The following CSMD2 variants were observed in gnomAD, a reference collection of about 807,000 sequenced individuals.
CSMD2 encodes the protein CUB and sushi domain-containing protein 2.
A neutral mutation model predicts 398.5 loss-of-function variants in CSMD2; 130 were observed. The ratio of observed to expected loss-of-function variants is 0.33; its 90% CI spans 0.28 to 0.38. The LOEUF (loss-of-function observed/expected upper bound fraction) is 0.38, where lower values mean the gene tolerates loss of function less well. Among genes scored for constraint, CSMD2 ranks in the 10% least tolerant of loss-of-function variants. The pLI, the probability that CSMD2 is intolerant of heterozygous loss-of-function variation, is 1.00. For missense variants in CSMD2, 3,829 were observed against 4,764.9 expected (o/e 0.80, Z 5.78); for synonymous variants, 1,828 against 1,908.5 (o/e 0.96, Z 1.10).
At chr1:33,665,912 T>C (rs745623052) in intron 25 of CSMD2, among the ~76,000 whole-genome samples, 38 of 152,308 alleles carry the variant, frequency 2.5e-4, no homozygotes, top group Admixed American at 1.2e-3. Context: ...CCTAACTAGA[T>C]CATAATTTTC....
At chr1:33,820,919 TG>T (rs1235827511) in intron 7 of CSMD2, among the ~76,000 whole-genome samples, 5 of 152,068 alleles carry the variant, frequency 3.3e-5, no homozygotes, top group Non-Finnish European at 7.4e-5. Context: ...GCTTCAGATC[TG>T]GGGTGGAGAC....
intron 22 of CSMD2, among the ~76,000 whole-genome samples, chr1:33,704,545 A>C (rs533763354): frequency 6.6e-6 from 1 of 152,334 alleles, no homozygotes; most frequent in East Asian, 1.9e-4. Flanking sequence ...GAACTTAATC[A>C]CATGATGTTT....
At chr1:33,821,109 T>C (rs1324565451) in intron 7 of CSMD2, among the ~76,000 whole-genome samples, 3 of 152,162 alleles carry the variant, frequency 2.0e-5, no homozygotes, top group African/African-American at 7.2e-5. Flanking sequence ...CCTCTTCCCA[T>C]CAGATACTTC....
intron 22 of CSMD2, among the ~76,000 whole-genome samples, chr1:33,705,938 A>ATTTT (rs1280927804): frequency 9.0e-4 from 137 of 151,836 alleles, no homozygotes; most frequent in African/African-American, 3.0e-3. Flanking sequence ...ATTATTTAAA[A>ATTTT]AAAAAAAAAA....
At chr1:33,524,292 C>T (rs1415913679) in intron 66 of CSMD2, among the ~76,000 whole-genome samples, 1 of 152,056 alleles carries the variant, frequency 6.6e-6, no homozygotes, top group Non-Finnish European at 1.5e-5. Flanking sequence ...ATGGGAACAG[C>T]CTTTATTCAT....
intron 4 of CSMD2, among the ~76,000 whole-genome samples, chr1:33,920,491 G>A (rs1441966127): frequency 4.3e-5 from 6 of 138,228 alleles, no homozygotes; most frequent in African/African-American, 5.3e-5. Context: ...GCAGTGAGCC[G>A]AGATTGTGCT....
At chr1:33,965,821 C>T (rs145860306) in intron 3 of CSMD2, among the ~76,000 whole-genome samples, 1 of 152,276 alleles carries the variant, frequency 6.6e-6, no homozygotes, top group African/African-American at 2.4e-5. Flanking sequence ...GTTTGTGAAC[C>T]CAGGAAGCTG....
intron 3 of CSMD2, among the ~76,000 whole-genome samples, chr1:33,980,572 G>C (rs994220025): frequency 6.6e-6 from 1 of 152,066 alleles, no homozygotes; most frequent in Non-Finnish European, 1.5e-5. Context: ...TATTTTCTTC[G>C]CTTGTGCCTT....
At chr1:33,595,967 T>C (rs1374235980) in intron 44 of CSMD2, among the ~76,000 whole-genome samples, 1 of 152,194 alleles carries the variant, frequency 6.6e-6, no homozygotes. Context: ...TCACACACTA[T>C]TTTCTTCCAT....
chr1:34,145,239 A>G (rs79309197), intron 1 of CSMD2, among the ~76,000 whole-genome samples: 6,507 of 152,332 alleles, frequency 0.043, 249 homozygotes, highest in African/African-American at 0.1. Flanking sequence ...GAACCACCCA[A>G]GTTAGGAAAG....
intron 12 of CSMD2, among the ~76,000 whole-genome samples, chr1:33,778,696 G>A (rs1652316820): frequency 6.6e-6 from 1 of 152,194 alleles, no homozygotes; most frequent in Non-Finnish European, 1.5e-5. Context: ...CACGGCCCCT[G>A]CCCCTGGAGA....
chr1:33,990,769 C>T (rs1384641045), intron 3 of CSMD2, among the ~76,000 whole-genome samples: 1 of 152,176 alleles, frequency 6.6e-6, no homozygotes, highest in East Asian at 1.9e-4. Flanking sequence ...TAGGTTGAGG[C>T]CAGGGGTGAG....
chr1:33,860,739 C>G (rs943018538), intron 5 of CSMD2: 2 of 152,186 alleles, frequency 1.3e-5, no homozygotes, highest in Non-Finnish European at 2.9e-5. Flanking sequence ...TTATATGTGT[C>G]TGGCTTAAAA....
intron 1 of CSMD2, among the ~76,000 whole-genome samples, chr1:34,109,481 C>G (rs1660834187): frequency 6.6e-6 from 1 of 152,172 alleles, no homozygotes; most frequent in Admixed American, 6.5e-5. Flanking sequence ...TTTGCCAATC[C>G]AGAATGGTAT....
chr1:34,162,550 G>T (rs938294562), intron 1 of CSMD2, among the ~76,000 whole-genome samples: 1 of 152,092 alleles, frequency 6.6e-6, no homozygotes, highest in African/African-American at 2.4e-5. Context: ...ATCTAAAGGC[G>T]GGAAAGGCTT....
rs556378681 is a variant in CSMD2 at position 33,583,714 on chromosome 1, C to T, written c.7168G>A (p.Asp2390Asn). 10 of 1,614,154 alleles carry T rather than the reference C, an allele frequency of 6.2e-6. No individual in the cohort carries two copies. The highest frequency in any genetic ancestry group is 1.1e-5 in the South Asian group (1 of 91,072). ...TCCACTGTGAGGGAGATGTTATAGT[C>T]GGGCTCCACTCTCACCAGCCAAGAG... ...TCSWLVRVEP[D>N]YNISLTVEYF... The change falls in exon 47 of 71, where the codon GAC becomes AAC. Residue 2390 changes from aspartate to asparagine, a missense_variant. Transcript: ENST00000373381.
intron 12 of CSMD2, among the ~76,000 whole-genome samples, chr1:33,787,687 C>G (rs1180331862): frequency 2.0e-5 from 3 of 152,162 alleles, no homozygotes; most frequent in African/African-American, 7.2e-5. Flanking sequence ...CGTCTAGTAC[C>G]TAAGAGGGGC....
intron 5 of CSMD2, among the ~76,000 whole-genome samples, chr1:33,899,546 G>C (rs1055343302): frequency 3.3e-5 from 5 of 151,968 alleles, no homozygotes; most frequent in African/African-American, 9.7e-5. Flanking sequence ...CATGTCGTTG[G>C]TACCCTACAC....
chr1:33,798,258 G>T (rs1655182481), intron 10 of CSMD2, among the ~76,000 whole-genome samples: 2 of 152,182 alleles, frequency 1.3e-5, no homozygotes, highest in African/African-American at 4.8e-5. Context: ...ATACAGCTCA[G>T]ACACCCAATT....
Sources: gnomAD v4.1 joint callset for allele counts (sites outside exome capture counted in the v4.1 genomes callset) on GRCh38, gnomAD v4.1.1 for gene constraint, MANE v1.5 for transcripts, NCBI Gene and HGNC (gene_info 2026-07-23, HGNC 2026-07-21) for gene names.